The following SEM1 variants were observed in gnomAD, a reference collection of about 807,000 sequenced individuals.
SEM1 encodes SEM1 26S proteasome subunit.
SEM1 carries 3 observed loss-of-function variants against 12.7 expected under a neutral mutation model. The ratio of observed to expected loss-of-function variants is 0.24; its 90% confidence interval spans 0.11 to 0.61. The LOEUF is 0.61. Among genes scored for constraint, SEM1 ranks in the 20% least tolerant of loss-of-function variants. SEM1 has a pLI of 0.88. For missense variants in SEM1, 59 were observed against 81.3 expected, an observed-to-expected ratio of 0.73 and a Z score of 1.06; for synonymous variants, 30 against 27.8, an observed-to-expected ratio of 1.08 and a Z score of -0.25.
At chr7:96,669,640 C>G (rs1461074691), downstream of SEM1, among the ~76,000 whole-genome samples, 2 of 152,068 alleles carry the variant, frequency 1.3e-5, no homozygotes, top group African/African-American at 4.8e-5. Context: ...GCAATATGCA[C>G]TCTTTTATTT....
chr7:96,643,975 C>G (rs1808705465), intron 2 of SEM1, among the ~76,000 whole-genome samples: 1 of 151,886 alleles, frequency 6.6e-6, no homozygotes, highest in African/African-American at 2.4e-5. Context: ...GGAGCCTGCC[C>G]CAAGCCCATT....
chr7:96,655,596 T>A (rs1221920592), intron 2 of SEM1, among the ~76,000 whole-genome samples: 1 of 152,074 alleles, frequency 6.6e-6, no homozygotes, highest in Non-Finnish European at 1.5e-5. Flanking sequence ...TGCAAATACT[T>A]AAATTGTACA....
chr7:96,638,078 T>C (rs900883444), intron 2 of SEM1, among the ~76,000 whole-genome samples: 3 of 152,040 alleles, frequency 2.0e-5, no homozygotes, highest in Non-Finnish European at 2.9e-5. Flanking sequence ...GTTTGCTACT[T>C]TTAAATAATG....
intron 1 of SEM1, among the ~76,000 whole-genome samples, chr7:96,698,094 CAG>C (rs1261677787): frequency 1.3e-5 from 2 of 152,084 alleles, no homozygotes; most frequent in Non-Finnish European, 2.9e-5. Flanking sequence ...TCAGTTGTGG[CAG>C]AGTCTGAAAC....
At chr7:96,509,951 T>A (rs1410925795) in intron 2 of SEM1, among the ~76,000 whole-genome samples, 1 of 152,116 alleles carries the variant, frequency 6.6e-6, no homozygotes, top group Non-Finnish European at 1.5e-5. Flanking sequence ...CTGGAATAGA[T>A]GAAAATGTTC....
chr7:96,493,488 T>C (rs1337877624), intron 1 of SEM1, among the ~76,000 whole-genome samples: 2 of 152,120 alleles, frequency 1.3e-5, no homozygotes, highest in East Asian at 3.9e-4. Flanking sequence ...CTTCAAAGTA[T>C]CCTCAAGATT....
At chr7:96,542,573 A>C (rs371434123) in intron 2 of SEM1, among the ~76,000 whole-genome samples, 175 of 151,664 alleles carry the variant, frequency 1.2e-3, no homozygotes, top group African/African-American at 3.8e-3. Context: ...GATTCATAAT[A>C]GAAAACATGC....
chr7:96,613,966 T>C (rs1222061628), intron 2 of SEM1, among the ~76,000 whole-genome samples: 1 of 152,240 alleles, frequency 6.6e-6, no homozygotes. Context: ...ACTTCCATAG[T>C]TTCTATATCT....
upstream of SEM1, among the ~76,000 whole-genome samples, chr7:96,500,317 G>T (rs146539641): frequency 9.0e-3 from 1,369 of 151,864 alleles, 19 homozygotes; most frequent in African/African-American, 0.031. Flanking sequence ...GGGCCAAGTG[G>T]GTCCTCTTTG....
chr7:96,502,394 G>A (rs1184899389), intron 3 of SEM1, among the ~76,000 whole-genome samples: 1 of 152,102 alleles, frequency 6.6e-6, no homozygotes, highest in Non-Finnish European at 1.5e-5. Context: ...GTGGCAGTCT[G>A]AAACACTGGT....
chr7:96,534,593 C>T (rs150954303), intron 2 of SEM1, among the ~76,000 whole-genome samples: 20 of 152,078 alleles, frequency 1.3e-4, no homozygotes, highest in African/African-American at 4.6e-4. Context: ...GAAACTGCTG[C>T]TTGTGGAGTT....
intron 2 of SEM1, among the ~76,000 whole-genome samples, chr7:96,598,030 T>C (rs1807060843): frequency 6.6e-6 from 1 of 152,214 alleles, no homozygotes; most frequent in Non-Finnish European, 1.5e-5. Flanking sequence ...GTCATTTTCA[T>C]AGCTGCATAA....
exon 4 of SEM1, chr7:96,482,785 C>G (rs1352972949): frequency 6.6e-6 from 1 of 152,118 alleles, no homozygotes; most frequent in East Asian, 1.9e-4. Context: ...AAATAAAGAT[C>G]CAGAAATATA....
intron 2 of SEM1, among the ~76,000 whole-genome samples, chr7:96,573,333 G>A (rs539417094): frequency 6.6e-6 from 1 of 152,220 alleles, no homozygotes; most frequent in Admixed American, 6.5e-5. Context: ...TCATTATGAT[G>A]CTAGCTGGTT....
chr7:96,484,760 T>C, intron 3 of SEM1: 3 of 1,068,692 alleles, frequency 2.8e-6, no homozygotes, highest in Non-Finnish European at 2.5e-6. Flanking sequence ...CTGGGTGCCT[T>C]AAAAATCCTC....
chr7:96,580,771 T>C (rs1806371413), intron 2 of SEM1, among the ~76,000 whole-genome samples: 1 of 152,184 alleles, frequency 6.6e-6, no homozygotes, highest in African/African-American at 2.4e-5. Context: ...ATGTCTTCTT[T>C]TGAGAAGTGT....
intron 2 of SEM1, among the ~76,000 whole-genome samples, chr7:96,560,511 G>T (rs1805660906): frequency 6.6e-6 from 1 of 152,026 alleles, no homozygotes; most frequent in Admixed American, 6.6e-5. Context: ...AACAGTACTT[G>T]ATAGGATAAG....
At chr7:96,707,652 CTTTTT>C (rs1464930166) in intron 1 of SEM1, among the ~76,000 whole-genome samples, 1 of 151,800 alleles carries the variant, frequency 6.6e-6, no homozygotes, top group Non-Finnish European at 1.5e-5. Context: ...TTCCTTTTAC[CTTTTT>C]GTTTTGTTTT....
At chr7:96,706,594 A>AGAG (rs1554437641) in intron 1 of SEM1, among the ~76,000 whole-genome samples, 1 of 123,476 alleles carries the variant, frequency 8.1e-6, no homozygotes, top group Non-Finnish European at 1.8e-5. Context: ...AAAAAAAAAA[A>AGAG]AGAGAGAGAG....
Sources: allele counts gnomAD v4.1 joint callset (sites outside exome capture counted in the v4.1 genomes callset), GRCh38; gene constraint gnomAD v4.1.1; transcripts MANE v1.5; gene names NCBI Gene and HGNC (gene_info 2026-07-23, HGNC 2026-07-21).